Variants in RAB20 observed in about 807,000 individuals in gnomAD.
RAB20 encodes RAB20, member RAS oncogene family.
RAB20 carries 2 observed loss-of-function variants against 3.7 expected under a neutral mutation model. That is an observed-to-expected ratio of 0.54 (90% CI 0.22 to 1.69). The LOEUF is 1.69. RAB20 is among the 40% of genes most tolerant of loss of function. RAB20 has a pLI of 0.19. For missense variants in RAB20, 276 were observed against 311.9 expected (o/e 0.88, Z 0.87); for synonymous variants, 126 against 130.8 (o/e 0.96, Z 0.25).
intron 1 of RAB20, among the ~76,000 whole-genome samples, chr13:110,536,733 G>GGC (rs1884647385): frequency 1.0e-5 from 1 of 98,898 alleles, no homozygotes; most frequent in Non-Finnish European, 2.0e-5. Flanking sequence ...GGGCGGTGGG[G>GGC]GGGGGTTGTT....
At chr13:110,546,584 C>T (rs1191119248) in intron 1 of RAB20, among the ~76,000 whole-genome samples, 1 of 152,152 alleles carries the variant, frequency 6.6e-6, no homozygotes, top group African/African-American at 2.4e-5. Context: ...GCAGGCCACC[C>T]TTGGTCTGTG....
chr13:110,546,776 T>C (rs1457563698), intron 1 of RAB20, among the ~76,000 whole-genome samples: 1 of 150,424 alleles, frequency 6.6e-6, no homozygotes, highest in Non-Finnish European at 1.5e-5. Context: ...CTCACTCTGT[T>C]GCCCAGGCTG....
intron 1 of RAB20, among the ~76,000 whole-genome samples, chr13:110,531,972 C>G (rs952501101): frequency 8.5e-5 from 13 of 152,192 alleles, no homozygotes; most frequent in Non-Finnish European, 1.5e-5. Flanking sequence ...CCATTTCACT[C>G]TTCAGCCTTC....
At chr13:110,557,866 G>A (rs994140221) in intron 1 of RAB20, among the ~76,000 whole-genome samples, 2 of 152,276 alleles carry the variant, frequency 1.3e-5, no homozygotes. Flanking sequence ...AGAGCATTCT[G>A]TCTCCAGGGC....
intron 1 of RAB20, among the ~76,000 whole-genome samples, chr13:110,528,879 T>C (rs556850552): frequency 1.4e-4 from 21 of 152,386 alleles, no homozygotes; most frequent in African/African-American, 4.8e-4. Context: ...ATCTGTTATC[T>C]ACCCATTAAT....
intron 1 of RAB20, among the ~76,000 whole-genome samples, chr13:110,558,683 T>A (rs1885080450): frequency 1.5e-5 from 2 of 134,810 alleles, no homozygotes; most frequent in South Asian, 2.5e-4. Context: ...CGCAGCCCTG[T>A]CTTCCCATCT....
intron 1 of RAB20, among the ~76,000 whole-genome samples, chr13:110,551,703 G>C (rs1281078135): frequency 6.6e-6 from 1 of 152,096 alleles, no homozygotes; most frequent in African/African-American, 2.4e-5. Context: ...GTACGTGTGT[G>C]TATGTTTGTA....
chr13:110,537,545 G>A (rs1324409213), intron 1 of RAB20, among the ~76,000 whole-genome samples: 10 of 151,854 alleles, frequency 6.6e-5, no homozygotes, highest in Non-Finnish European at 1.5e-4. Context: ...CTCATAAAGA[G>A]GAAAGTGTCT....
chr13:110,542,160 C>A (rs752336753), intron 1 of RAB20, among the ~76,000 whole-genome samples: 15 of 152,112 alleles, frequency 9.9e-5, no homozygotes, highest in African/African-American at 3.4e-4. Flanking sequence ...TTAATCAGAA[C>A]GCTTGCTGTA....
At position 110,561,395 on chromosome 13, in the gene RAB20, T is replaced by G; in HGVS notation, c.125A>C (p.Tyr42Ser). 2 of 1,609,544 alleles carry G rather than the reference T, an allele frequency of 1.2e-6. No homozygotes were observed. The highest frequency in any genetic ancestry group is 1.7e-6 in the Non-Finnish European group (2 of 1,178,048). Reference sequence around the variant, plus strand: ...GTTGTAGGAGCGCCACTGCTTCAGGTAGAAGGCGCCGCCCACCGTGCTGAC... The same window carrying G: ...GTTGTAGGAGCGCCACTGCTTCAGGGAGAAGGCGCCGCCCACCGTGCTGAC... Reference protein sequence around the residue: ...DTVSTVGGAFYLKQWRSYNIS... With the variant: ...DTVSTVGGAFSLKQWRSYNIS... Residue 42 changes from tyrosine to serine, a missense_variant, in exon 1 of 2, where the codon TAC becomes TCC. Physicochemically the swap from Tyr to Ser is moderately radical, Grantham distance 144 (BLOSUM62 -2). Coordinates refer to ENST00000267328, the MANE Select transcript of RAB20 (RefSeq NM_017817.3).
intron 1 of RAB20, among the ~76,000 whole-genome samples, chr13:110,529,432 C>T (rs1884491661): frequency 6.6e-6 from 1 of 152,188 alleles, no homozygotes; most frequent in African/African-American, 2.4e-5. Context: ...GCCTTCTCCC[C>T]CAGACCGGAG....
At chr13:110,537,800 A>G (rs929846195) in intron 1 of RAB20, among the ~76,000 whole-genome samples, 1 of 152,044 alleles carries the variant, frequency 6.6e-6, no homozygotes, top group Non-Finnish European at 1.5e-5. Context: ...GGCTCAGTGC[A>G]TCACCCCCAG....
intron 1 of RAB20, among the ~76,000 whole-genome samples, chr13:110,527,900 T>TACACACACACACACACACACACACACAC (rs61582404): frequency 7.2e-6 from 1 of 138,124 alleles, no homozygotes; most frequent in East Asian, 2.2e-4. Flanking sequence ...TCTCTACAAA[T>TACACACACACACACACACACACACACAC]ACACACACAC....
In RAB20 at chr13:110,542,331, T is replaced by C. The variant is rs540553459; in HGVS notation, c.173-18134A>G. Among the ~76,000 whole-genome samples, 62 of 152,280 alleles carry C rather than the reference T, an allele frequency of 4.1e-4. No homozygotes were observed. The South Asian group carries it at 9.9e-3, about 24-fold the overall frequency. On this transcript the variant is annotated intron_variant, in intron 1 of 1. Coordinates refer to ENST00000267328, the MANE Select transcript of RAB20 (RefSeq NM_017817.3). ...CTACCATGGGTGTGCAGACAGAACA[T>C]TGAAACTCCACCCTCTCAGCCAATT... is the stretch of plus-strand genomic sequence containing the variant.
At chr13:110,544,431 G>A (rs973446419) in intron 1 of RAB20, among the ~76,000 whole-genome samples, 1 of 151,974 alleles carries the variant, frequency 6.6e-6, no homozygotes. Flanking sequence ...TTCTATTTCT[G>A]TAAAAAATGC....
At chr13:110,541,062 G>A (rs1450475441) in intron 1 of RAB20, among the ~76,000 whole-genome samples, 3 of 152,210 alleles carry the variant, frequency 2.0e-5, no homozygotes, top group Non-Finnish European at 2.9e-5. Flanking sequence ...GGACCTTGCC[G>A]AGGAGGAGAC....
intron 1 of RAB20, among the ~76,000 whole-genome samples, chr13:110,547,147 C>T (rs1003442915): frequency 2.6e-5 from 4 of 152,150 alleles, no homozygotes; most frequent in African/African-American, 4.8e-5. Flanking sequence ...CTGACTGTTG[C>T]GCCAAATCAC....
intron 1 of RAB20, among the ~76,000 whole-genome samples, chr13:110,533,568 C>T (rs1389971362): frequency 3.9e-5 from 6 of 152,036 alleles, no homozygotes; most frequent in Non-Finnish European, 7.4e-5. Context: ...TGCCTGTAGT[C>T]CCAGCTACTC....
chr13:110,523,994 G>A lies in RAB20; in HGVS notation c.376C>T (p.Gln126Ter), dbSNP rs1199095470. 5 of 1,614,122 alleles carry A rather than the reference G, an allele frequency of 3.1e-6. No homozygotes were observed. Among genetic ancestry groups the A allele is most frequent in the Non-Finnish European group, 4.2e-6 (5 of 1,180,016 alleles). The change falls in exon 2 of 2, where the codon CAG (glutamine) becomes TAG (stop). Residue 126 changes from glutamine (Q) to a stop codon, truncating the protein, a stop_gained. Transcript: ENST00000267328. LOFTEE classifies it low-confidence loss of function (END_TRUNC). ...TTGGGACTGCACTCTTCCTTCTCCT[G>A]GCCCGCCAAGGCCCCCTCCTCAGTG... ...DLTEEGALAG[Q>*]EKEECSPNMD...
Sources: allele counts gnomAD v4.1 joint callset (sites outside exome capture counted in the v4.1 genomes callset), GRCh38; gene constraint gnomAD v4.1.1; transcripts MANE v1.5; gene names NCBI Gene and HGNC (gene_info 2026-07-23, HGNC 2026-07-21).